PLAC8L1: variants seen among roughly 807,000 people sequenced by gnomAD.
PLAC8L1 encodes the protein PLAC8-like protein 1.
Under a neutral mutation model 16.3 loss-of-function variants are expected in PLAC8L1, and 13 were observed. That is an observed-to-expected ratio of 0.80 (90% CI 0.52 to 1.27). The LOEUF is 1.27. Ranked by LOEUF, PLAC8L1 falls within the 50% of genes most tolerant of loss-of-function variation. The pLI, the probability that PLAC8L1 is intolerant of heterozygous loss-of-function variation, is 0.00. For missense variants in PLAC8L1, 184 were observed against 220.2 expected, an observed-to-expected ratio of 0.84 and a Z score of 1.04; for synonymous variants, 78 against 79.3, an observed-to-expected ratio of 0.98 and a Z score of 0.09.
chr5:146,084,425 C>T lies in PLAC8L1; in HGVS notation c.*7G>A. 6.2e-7 allele frequency: 1 copy of T among 1,613,586 alleles called. No individual in the cohort carries two copies. The highest frequency in any genetic ancestry group is 8.5e-7 in the Non-Finnish European group (1 of 1,179,662). On this transcript the variant is annotated 3_prime_UTR_variant, in exon 4 of 4. Coordinates refer to ENST00000311450, the MANE Select transcript of PLAC8L1 (RefSeq NM_001029869.3). ...TTGGGGAGTAAGGAGGAGGAGTTAT[C>T]TTGCTGTCAAACCAGGGTGTCCTTA...
intron 2 of PLAC8L1, among the ~76,000 whole-genome samples, chr5:146,093,810 T>C (rs2150035702): frequency 6.6e-6 from 1 of 152,278 alleles, no homozygotes; most frequent in African/African-American, 2.4e-5. Flanking sequence ...TGGCTTGCTT[T>C]CTTCTTCCTA....
chr5:146,090,717 A>G (rs980479816), intron 2 of PLAC8L1, among the ~76,000 whole-genome samples: 8 of 152,162 alleles, frequency 5.3e-5, no homozygotes, highest in African/African-American at 1.9e-4. Context: ...GAATATTAAG[A>G]CATCCAGAAA....
intron 1 of PLAC8L1, among the ~76,000 whole-genome samples, chr5:146,103,337 T>C (rs1024186636): frequency 6.6e-6 from 1 of 152,124 alleles, no homozygotes; most frequent in African/African-American, 2.4e-5. Context: ...TTCTGTATTT[T>C]TAGTAAAGAC....
At chr5:146,098,945 G>T (rs1032032646) in intron 1 of PLAC8L1, among the ~76,000 whole-genome samples, 5 of 152,164 alleles carry the variant, frequency 3.3e-5, no homozygotes, top group Non-Finnish European at 7.3e-5. Context: ...ACCTAGTGGT[G>T]CCACAAAGTA....
chr5:146,094,059 TTTG>T (rs1330480324), intron 2 of PLAC8L1, among the ~76,000 whole-genome samples: 11 of 152,236 alleles, frequency 7.2e-5, no homozygotes, highest in South Asian at 2.1e-4. Flanking sequence ...TTTATAGATT[TTTG>T]TTGTTGTTGT....
In PLAC8L1 at chr5:146,101,911, C is replaced by T. The variant is rs112086604; in HGVS notation, c.119+2282G>A. Among the ~76,000 whole-genome samples, 815 of 152,300 alleles carry T rather than the reference C, an allele frequency of 5.4e-3. 4 individuals are homozygous for T. The highest frequency in any genetic ancestry group is 0.019 in the African/African-American group (775 of 41,568). Reference sequence around the variant, plus strand: ...CTAAGAATAGAATGTCTGCTTCTAACTCAGTATTATGTGCGTGACACCTTT... The same window carrying T: ...CTAAGAATAGAATGTCTGCTTCTAATTCAGTATTATGTGCGTGACACCTTT... On this transcript the variant is annotated intron_variant, in intron 1 of 3. Coordinates refer to ENST00000311450, the MANE Select transcript of PLAC8L1 (RefSeq NM_001029869.3).
chr5:146,104,165 T>C (rs757439134), intron 1 of PLAC8L1, 28 bp downstream of exon 1: 2 of 1,610,010 alleles, frequency 1.2e-6, no homozygotes, highest in Admixed American at 1.7e-5. Flanking sequence ...GAGCAAAAGC[T>C]AGGGGAAAAA....
rs779456938 is a variant in PLAC8L1, at chr5:146,098,179, CTGAAGA to C, written c.227_232del (p.Leu76_Ser78delinsArg). On this transcript the variant is annotated inframe_deletion, in exon 2 of 4. Coordinates refer to ENST00000311450, the MANE Select transcript of PLAC8L1 (RefSeq NM_001029869.3). The stretch of plus-strand genomic sequence containing the variant: ...ACAAATTCTCCTATCTCTGCAGACA[CTGAAGA>C]GACCGGTGCTCCAGCCCCCGCCAGT... The C allele has an allele frequency of 1.2e-6, 2 of 1,613,842 alleles. No homozygotes were observed. The highest frequency in any genetic ancestry group is 1.7e-6 in the Non-Finnish European group (2 of 1,179,844).
Position 146,104,477 on chromosome 5 carries a change from T to C in PLAC8L1, c.-166A>G. 3.4e-6 allele frequency: 2 copies of C among 595,416 alleles called. No individual in the cohort carries two copies. The highest frequency in any genetic ancestry group is 6.0e-6 in the Non-Finnish European group (2 of 331,358). 36.9% of individuals were successfully genotyped at this position (595,416 alleles called of 1,614,324 possible). ...GTGTAACTAACAGACATCTTTTTTC[T>C]TTAAAAACAGGTATACACCTAACTG... On this transcript the variant is annotated 5_prime_UTR_variant, in exon 1 of 4. Transcript: ENST00000311450.
intron 1 of PLAC8L1, chr5:146,103,690 C>G (rs938944846): frequency 9.1e-6 from 9 of 985,232 alleles, no homozygotes; most frequent in African/African-American, 3.5e-5. Flanking sequence ...ACATACTTTT[C>G]CCTCTTTTTG....
chr5:146,104,385 T>C lies in PLAC8L1; in HGVS notation c.-74A>G. 4.2e-6 allele frequency: 5 copies of C among 1,177,684 alleles called. No individual in the cohort carries two copies. The South Asian group carries it at 6.1e-5, about 14-fold the overall frequency. The allele number at this position is 1,177,684 out of a possible 1,614,324, so 73.0% of individuals were successfully genotyped here. A position where few individuals can be genotyped will look rare whatever the true frequency, so the allele number is the denominator to read the frequency against. Reference sequence around the variant, plus strand: ...AATAAGCTGGTTTCTAAACTTCGGATTAGTCCAAAGTGAAACATCTCTTGA... The same window carrying C: ...AATAAGCTGGTTTCTAAACTTCGGACTAGTCCAAAGTGAAACATCTCTTGA... On this transcript the variant is annotated 5_prime_UTR_variant, in exon 1 of 4. An upstream open reading frame in the 5' UTR loses its in-frame stop. Coordinates refer to ENST00000311450, the MANE Select transcript of PLAC8L1 (RefSeq NM_001029869.3).
At chr5:146,103,176 T>G (rs1763850233) in intron 1 of PLAC8L1, among the ~76,000 whole-genome samples, 1 of 152,186 alleles carries the variant, frequency 6.6e-6, no homozygotes, top group Non-Finnish European at 1.5e-5. Flanking sequence ...TTTCTTTTTT[T>G]GAGACAGAGT....
rs370322418 is a variant in PLAC8L1 at position 146,097,212 on chromosome 5, CA to C, written c.256+943del. On this transcript the variant is annotated intron_variant, in intron 2 of 3. Transcript: ENST00000311450. ...TACCAAAGATGGGTCAGAATGTCCTCAGGTAAAAATAGAATCAATGAGCTTT... is the reference window on the plus strand; with the variant it reads ...TACCAAAGATGGGTCAGAATGTCCTCGGTAAAAATAGAATCAATGAGCTTT... Among the ~76,000 whole-genome samples, 352 of 152,262 alleles carry C rather than the reference CA, an allele frequency of 2.3e-3. 1 individual carries two copies. The highest frequency in any genetic ancestry group is 8.0e-3 in the African/African-American group (331 of 41,548).
intron 2 of PLAC8L1, among the ~76,000 whole-genome samples, chr5:146,096,290 TTTTAA>T (rs1042861104): frequency 6.6e-6 from 1 of 152,202 alleles, no homozygotes; most frequent in African/African-American, 2.4e-5. Flanking sequence ...ATTGACTTTA[TTTTAA>T]TTTGACTACA....
intron 1 of PLAC8L1, among the ~76,000 whole-genome samples, chr5:146,098,498 T>G (rs531403289): frequency 1.3e-5 from 2 of 152,318 alleles, no homozygotes; most frequent in East Asian, 3.9e-4. Context: ...ATTAATGGAA[T>G]TATTGTTCTA....
In PLAC8L1 at chr5:146,104,378, C is replaced by T; in HGVS notation, c.-67G>A. On this transcript the variant is annotated 5_prime_UTR_variant, in exon 1 of 4. Transcript: ENST00000311450. Reference sequence around the variant, plus strand: ...CTTTGGCAATAAGCTGGTTTCTAAACTTCGGATTAGTCCAAAGTGAAACAT... The same window carrying T: ...CTTTGGCAATAAGCTGGTTTCTAAATTTCGGATTAGTCCAAAGTGAAACAT... The T allele has an allele frequency of 2.4e-6, 3 of 1,263,464 alleles. No individual in the cohort carries two copies. The highest frequency in any genetic ancestry group is 2.4e-5 in the South Asian group (2 of 83,212). 78.3% of individuals were successfully genotyped at this position (1,263,464 alleles called of 1,614,324 possible). A position where few individuals can be genotyped will look rare whatever the true frequency, so the allele number is the denominator to read the frequency against.
At chr5:146,098,409 T>C in intron 1 of PLAC8L1, 117 bp from the exon 2 acceptor site, 1 of 1,002,416 alleles carries the variant, frequency 1.0e-6, no homozygotes, top group Non-Finnish European at 1.4e-6. Context: ...AAGGGGCTCA[T>C]AGCCCAAATC....
At chr5:146,101,667 G>C (rs1251098944) in intron 1 of PLAC8L1, among the ~76,000 whole-genome samples, 1 of 152,168 alleles carries the variant, frequency 6.6e-6, no homozygotes, top group Non-Finnish European at 1.5e-5. Context: ...CTCAAGGCTA[G>C]CTACAAATTT....
intron 1 of PLAC8L1, among the ~76,000 whole-genome samples, chr5:146,102,018 AT>A (rs1392316227): frequency 6.8e-6 from 1 of 147,208 alleles, no homozygotes; most frequent in African/African-American, 2.5e-5. Flanking sequence ...GAAAAAGAAA[AT>A]GTTTTTTTTC....
Sources: gnomAD v4.1 joint callset for allele counts (sites outside exome capture counted in the v4.1 genomes callset) on GRCh38, gnomAD v4.1.1 for gene constraint, MANE v1.5 for transcripts, NCBI Gene and HGNC (gene_info 2026-07-23, HGNC 2026-07-21) for gene names.